Variants in SLC7A8 observed in about 807,000 individuals in gnomAD.
SLC7A8 encodes large neutral amino acids transporter small subunit 2.
SLC7A8 carries 30 observed loss-of-function variants against 51.2 expected under a neutral mutation model. The ratio of observed to expected loss-of-function variants is 0.59; its 90% CI spans 0.44 to 0.80. SLC7A8 has a LOEUF of 0.80. Among genes scored for constraint, SLC7A8 ranks in the 30% least tolerant of loss-of-function variants. The probability of loss-of-function intolerance (pLI) is 0.00; values close to 1 mark genes in which losing one functional copy is unlikely to be tolerated. For missense variants in SLC7A8, 612 were observed against 674.4 expected (o/e 0.91, Z 1.03); for synonymous variants, 257 against 275.8 (o/e 0.93, Z 0.67).
intron 3 of SLC7A8, among the ~76,000 whole-genome samples, chr14:23,145,534 AAAG>A (rs150817392): frequency 8.4e-4 from 8 of 9,532 alleles, no homozygotes; most frequent in African/African-American, 1.9e-3. Context: ...CTCAAAAAAA[AAAG>A]AAAAAAAAAT....
intron 1 of SLC7A8, among the ~76,000 whole-genome samples, chr14:23,172,744 C>T (rs1162794310): frequency 1.3e-5 from 2 of 152,180 alleles, no homozygotes; most frequent in Non-Finnish European, 2.9e-5. Context: ...ACCAGCACCT[C>T]GTGTGCAGAG....
At chr14:23,130,002 G>A (rs1424487684) in intron 8 of SLC7A8, 2 of 577,122 alleles carry the variant, frequency 3.5e-6, no homozygotes, top group South Asian at 2.3e-5. Context: ...TTACAGGGGT[G>A]ATGATCAAAA....
In SLC7A8 at chr14:23,154,444, T is replaced by C. The variant is rs116067047; in HGVS notation, c.508+10841A>G. 1,436 of 988,392 alleles carry C rather than the reference T, an allele frequency of 1.5e-3. 21 individuals are homozygous for C. The African/African-American group carries it at 0.023, about 16-fold the overall frequency. 61.2% of individuals were successfully genotyped at this position (988,392 alleles called of 1,614,324 possible). A position where few individuals can be genotyped will look rare whatever the true frequency, so the allele number is the denominator to read the frequency against. ...AGCCGGGCCTGTGGGGGCGTGGGTG[T>C]GGCTACGCTCGGCTCTGTGATTGGC... On this transcript the variant is annotated intron_variant, in intron 3 of 10. Coordinates refer to ENST00000316902, the MANE Select transcript of SLC7A8 (RefSeq NM_012244.4).
intron 7 of SLC7A8, among the ~76,000 whole-genome samples, 159 bp downstream of exon 7, chr14:23,137,762 C>T (rs922923903): frequency 2.0e-5 from 3 of 152,212 alleles, no homozygotes; most frequent in Non-Finnish European, 4.4e-5. Flanking sequence ...AGCATCCACA[C>T]TGACACACAC....
chr14:23,150,266 C>T (rs1391235801), intron 3 of SLC7A8, among the ~76,000 whole-genome samples: 1 of 152,180 alleles, frequency 6.6e-6, no homozygotes, highest in Admixed American at 6.5e-5. Flanking sequence ...TATCACTCTT[C>T]CCCTCAACTC....
Position 23,140,499 on chromosome 14 carries a change from C to T in SLC7A8, c.760G>A (p.Val254Met), listed in dbSNP as rs763103012. The T allele has an allele frequency of 2.9e-5, 47 of 1,613,388 alleles. No homozygotes were observed. Among genetic ancestry groups the T allele is most frequent in the Non-Finnish European group, 3.5e-5 (41 of 1,179,500 alleles). The change falls in exon 5 of 11, where the codon GTG (valine) becomes ATG (methionine). Residue 254 changes from valine (V) to methionine (M), a missense_variant. By Grantham distance (21) the Val-to-Met change is conservative. Coordinates refer to ENST00000316902, the MANE Select transcript of SLC7A8 (RefSeq NM_012244.4). ...TAGGGATCAACAAGCTCCTCAGTCA[C>T]GTAATTCAGAAAGTTCCAGCCTCCA... ...AYGGWNFLNY[V>M]TEELVDPYKN... is the part of the protein sequence containing the mutation.
At chr14:23,155,420 C>A in intron 3 of SLC7A8, 1 of 1,442,600 alleles carries the variant, frequency 6.9e-7, no homozygotes, top group Non-Finnish European at 9.1e-7. Flanking sequence ...TTAGCTCCTG[C>A]GCCAGCTGCT....
At chr14:23,135,280 G>A (rs2048678677) in intron 7 of SLC7A8, among the ~76,000 whole-genome samples, 1 of 151,626 alleles carries the variant, frequency 6.6e-6, no homozygotes, top group East Asian at 1.9e-4. Context: ...TAGTAGAGGT[G>A]GGGTTTCATT....
chr14:23,175,339 GCT>G (rs2048994260), intron 1 of SLC7A8, among the ~76,000 whole-genome samples: 1 of 152,166 alleles, frequency 6.6e-6, no homozygotes, highest in Admixed American at 6.5e-5. Flanking sequence ...CTTCGAAGGA[GCT>G]GGGACTACAG....
chr14:23,154,904 A>G (rs1048308585), intron 3 of SLC7A8, among the ~76,000 whole-genome samples: 3 of 151,764 alleles, frequency 2.0e-5, no homozygotes, highest in African/African-American at 7.3e-5. Context: ...TTGTACATGT[A>G]ACATAACTTG....
chr14:23,149,188 G>A (rs1309174962), intron 3 of SLC7A8, among the ~76,000 whole-genome samples: 1 of 152,214 alleles, frequency 6.6e-6, no homozygotes, highest in Non-Finnish European at 1.5e-5. Flanking sequence ...GGATCCCACA[G>A]CTAGAGTGTT....
chr14:23,140,878 A>T (rs1187993663), intron 4 of SLC7A8, among the ~76,000 whole-genome samples: 1 of 152,214 alleles, frequency 6.6e-6, no homozygotes, highest in Non-Finnish European at 1.5e-5. Context: ...CTTTTGTAAA[A>T]GGCAAAGTTA....
intron 3 of SLC7A8, chr14:23,155,263 G>A: frequency 1.3e-6 from 2 of 1,536,184 alleles, no homozygotes; most frequent in Non-Finnish European, 1.7e-6. Flanking sequence ...AGCAGAGGAG[G>A]AGGGTGCAGA....
chr14:23,139,580 G>C (rs376618215), intron 5 of SLC7A8, 33 bp from the exon 6 acceptor site: 1 of 1,601,270 alleles, frequency 6.2e-7, no homozygotes, highest in Non-Finnish European at 8.5e-7. Context: ...GGGAAGGGCT[G>C]GCACCCGGGA....
At chr14:23,152,596 T>C (rs140402521) in intron 3 of SLC7A8, among the ~76,000 whole-genome samples, 85 of 151,368 alleles carry the variant, frequency 5.6e-4, no homozygotes, top group African/African-American at 2.0e-3. Flanking sequence ...GTATTTTTTG[T>C]AGAGACGGGT....
intron 3 of SLC7A8, among the ~76,000 whole-genome samples, chr14:23,164,702 G>T (rs540313910): frequency 1.3e-5 from 2 of 151,860 alleles, no homozygotes; most frequent in Non-Finnish European, 2.9e-5. Context: ...ATGGGGAAAA[G>T]AAAAGGAGGC....
intron 1 of SLC7A8, among the ~76,000 whole-genome samples, chr14:23,168,447 A>G (rs866108568): frequency 6.6e-6 from 1 of 152,246 alleles, no homozygotes; most frequent in South Asian, 2.1e-4. Context: ...AATAGTGCTG[A>G]AAGATGATAG....
chr14:23,179,116 C>G (rs940953914), intron 1 of SLC7A8, among the ~76,000 whole-genome samples: 5 of 151,908 alleles, frequency 3.3e-5, no homozygotes, highest in South Asian at 2.1e-4. Flanking sequence ...GAATCAGCTC[C>G]CCTACTTCAT....
In SLC7A8 at chr14:23,151,400, A is replaced by G. The variant is rs894076477; in HGVS notation, c.509-8196T>C. Reference sequence around the variant, plus strand: ...GAAGCAAGGCCAGCAAGTGCCCCGGATGCCAGACAGAGTTGTGGGGAGAGG... The same window carrying G: ...GAAGCAAGGCCAGCAAGTGCCCCGGGTGCCAGACAGAGTTGTGGGGAGAGG... On this transcript the variant is annotated intron_variant, in intron 3 of 10. Transcript: ENST00000316902. Among the ~76,000 whole-genome samples the G allele has an allele frequency of 3.9e-5, 6 of 152,160 alleles. No homozygotes were observed. The South Asian group carries it at 1.2e-3, about 32-fold the overall frequency.
Sources: allele counts gnomAD v4.1 joint callset (sites outside exome capture counted in the v4.1 genomes callset), GRCh38; gene constraint gnomAD v4.1.1; transcripts MANE v1.5; gene names NCBI Gene and HGNC (gene_info 2026-07-23, HGNC 2026-07-21).